The following DIS3L2 variants were observed in gnomAD, a reference collection of about 807,000 sequenced individuals.
The protein encoded by DIS3L2 is DIS3 like 3'-5' exoribonuclease 2, also known as DIS3-like exonuclease 2.
A neutral mutation model predicts 97.5 loss-of-function variants in DIS3L2; 34 were observed. The observed-to-expected ratio is 0.35, with a 90% confidence interval of 0.27 to 0.46. The LOEUF is 0.46. Among genes scored for constraint, DIS3L2 ranks in the 20% least tolerant of loss-of-function variants. The pLI, the probability that DIS3L2 is intolerant of heterozygous loss-of-function variation, is 1.00. For synonymous variants in DIS3L2, 435 were observed against 445.2 expected (o/e 0.98, Z 0.29); for missense variants, 1,038 against 1,146.0 (o/e 0.91, Z 1.36).
chr2:232,082,261 A>G (rs1300344919), intron 5 of DIS3L2, among the ~76,000 whole-genome samples: 1 of 152,206 alleles, frequency 6.6e-6, no homozygotes, highest in African/African-American at 2.4e-5. Context: ...ACATTAATTT[A>G]TATTTTAATT....
chr2:232,014,901 G>A lies in DIS3L2; in HGVS notation c.-27G>A. On this transcript the variant is annotated 5_prime_UTR_variant, in exon 2 of 21. Coordinates refer to ENST00000325385, the MANE Select transcript of DIS3L2 (RefSeq NM_152383.5). Reference sequence around the variant, plus strand: ...AGCAGTGGAGGTTTCTCTGGATCTGGAGAGAAGAGTGACCTTGGAGCCAAT... The same window carrying A: ...AGCAGTGGAGGTTTCTCTGGATCTGAAGAGAAGAGTGACCTTGGAGCCAAT... 1.2e-6 allele frequency: 2 copies of A among 1,613,506 alleles called. No homozygotes were observed. Among genetic ancestry groups the A allele is most frequent in the Non-Finnish European group, 1.7e-6 (2 of 1,179,686 alleles).
chr2:232,104,572 C>G (rs1350696161), intron 6 of DIS3L2, among the ~76,000 whole-genome samples: 1 of 152,170 alleles, frequency 6.6e-6, no homozygotes, highest in African/African-American at 2.4e-5. Context: ...TAACCATCCA[C>G]TCCTCATTTC....
intron 13 of DIS3L2, among the ~76,000 whole-genome samples, chr2:232,285,831 G>A (rs1694416229): frequency 6.6e-6 from 1 of 152,134 alleles, no homozygotes. Flanking sequence ...CTTATCACGG[G>A]GCCCTGCATT....
intron 1 of DIS3L2, among the ~76,000 whole-genome samples, chr2:232,006,915 C>T (rs1392185898): frequency 6.6e-6 from 1 of 152,234 alleles, no homozygotes. Context: ...ATTTTTCTTT[C>T]TAGGAATACA....
intron 1 of DIS3L2, among the ~76,000 whole-genome samples, chr2:231,990,051 A>G (rs1693539808): frequency 6.6e-6 from 1 of 152,204 alleles, no homozygotes; most frequent in Non-Finnish European, 1.5e-5. Context: ...GAGGTATTCC[A>G]GTGTGCTGCC....
In DIS3L2 at chr2:232,010,808, C is replaced by T. The variant is rs1466886112; in HGVS notation, c.-93-4027C>T. ...GAACTTTGCGTTTTCAAATTTTGCA[C>T]CCTAAGTGCCTGGCTTGCCCCATTG... On this transcript the variant is annotated intron_variant, in intron 1 of 20. Transcript: ENST00000325385. 2.0e-5 allele frequency among the ~76,000 whole-genome samples: 3 copies of T among 152,336 alleles called. No individual in the cohort carries two copies. The East Asian group carries it at 5.8e-4, about 29-fold the overall frequency.
At chr2:232,222,782 T>A (rs1036600693) in intron 10 of DIS3L2, among the ~76,000 whole-genome samples, 1 of 152,212 alleles carries the variant, frequency 6.6e-6, no homozygotes, top group Non-Finnish European at 1.5e-5. Context: ...GTGAACAATT[T>A]TAACTGTCCT....
chr2:232,015,407 C>A, intron 2 of DIS3L2, 107 bp from the exon 3 acceptor site: 1 of 1,414,848 alleles, frequency 7.1e-7, no homozygotes, highest in Non-Finnish European at 9.5e-7. Flanking sequence ...GAGTTTCAGT[C>A]TCTTGTTGGT....
chr2:232,079,574 T>C (rs1289982588), intron 5 of DIS3L2, among the ~76,000 whole-genome samples: 1 of 117,310 alleles, frequency 8.5e-6, no homozygotes, highest in Non-Finnish European at 1.6e-5. Context: ...CACTCCAGCC[T>C]GGGCGACAGA....
chr2:232,075,131 C>T (rs573405442), intron 5 of DIS3L2, among the ~76,000 whole-genome samples: 126 of 152,268 alleles, frequency 8.3e-4, no homozygotes, highest in Non-Finnish European at 1.5e-3. Context: ...TGATTTCCTT[C>T]AGTGTCCAGG....
intron 8 of DIS3L2, among the ~76,000 whole-genome samples, chr2:232,137,528 T>C (rs1698392398): frequency 1.3e-5 from 2 of 152,348 alleles, no homozygotes; most frequent in South Asian, 4.1e-4. Context: ...AATGACTTGC[T>C]TGTTGGTCAT....
chr2:232,324,290 G>T (rs1277639626), intron 14 of DIS3L2, among the ~76,000 whole-genome samples: 1 of 152,174 alleles, frequency 6.6e-6, no homozygotes, highest in Non-Finnish European at 1.5e-5. Flanking sequence ...GCTGAAATTG[G>T]CTGGGAGCAA....
rs1694859672 is a variant in DIS3L2, at chr2:232,033,235, G to A, written c.366+3155G>A. Among the ~76,000 whole-genome samples the A allele has an allele frequency of 4.6e-5, 7 of 151,702 alleles. No individual in the cohort carries two copies. In the South Asian group the frequency reaches 1.5e-3, roughly 32 times the overall value. On this transcript the variant is annotated intron_variant, in intron 5 of 20. Coordinates refer to ENST00000325385, the MANE Select transcript of DIS3L2 (RefSeq NM_152383.5). ...TATTCGTAGGTACTTTATTCTCTTT[G>A]TAGCAATTGTGAATGGGAGTTTGCT...
At chr2:232,343,405 G>A (rs756406196) in exon 14 of DIS3L2, 40 of 1,556,638 alleles carry the variant, frequency 2.6e-5, no homozygotes, top group South Asian at 2.4e-5. Flanking sequence ...CTCTGCTGAA[G>A]ATGCAGAAGC....
chr2:232,200,934 C>G (rs368191850), intron 9 of DIS3L2, among the ~76,000 whole-genome samples: 1 of 152,128 alleles, frequency 6.6e-6, no homozygotes, highest in South Asian at 2.1e-4. Context: ...CAGGTGCCGA[C>G]CACCACGCCT....
At chr2:232,326,753 G>A (rs1422136981) in intron 14 of DIS3L2, among the ~76,000 whole-genome samples, 9 of 148,180 alleles carry the variant, frequency 6.1e-5, no homozygotes, top group Non-Finnish European at 1.2e-4. Flanking sequence ...GCCCCAGGAG[G>A]GAGGGAGAGG....
At chr2:232,176,270 C>A (rs938805945) in intron 9 of DIS3L2, among the ~76,000 whole-genome samples, 3 of 151,998 alleles carry the variant, frequency 2.0e-5, no homozygotes, top group African/African-American at 7.3e-5. Flanking sequence ...CCTTATAATC[C>A]TTATTGTTTC....
At chr2:231,987,765 GAGA>G (rs1225868077) in intron 1 of DIS3L2, among the ~76,000 whole-genome samples, 1 of 152,190 alleles carries the variant, frequency 6.6e-6, no homozygotes, top group Non-Finnish European at 1.5e-5. Flanking sequence ...AAGTGGTAGG[GAGA>G]AGAAGTACAC....
chr2:232,083,545 A>AT (rs1246860389), intron 5 of DIS3L2, among the ~76,000 whole-genome samples: 1 of 146,502 alleles, frequency 6.8e-6, no homozygotes, highest in Non-Finnish European at 1.5e-5. Context: ...CCCAGGCTGG[A>AT]GTGCAGTGGC....
Sources: gnomAD v4.1 joint callset for allele counts (sites outside exome capture counted in the v4.1 genomes callset) on GRCh38, gnomAD v4.1.1 for gene constraint, MANE v1.5 for transcripts, NCBI Gene and HGNC (gene_info 2026-07-23, HGNC 2026-07-21) for gene names.